The following PTPRT variants were observed in gnomAD, a reference collection of about 807,000 sequenced individuals.
The protein encoded by PTPRT is receptor-type tyrosine-protein phosphatase T.
Under a neutral mutation model 176.8 loss-of-function variants are expected in PTPRT, and 56 were observed. The ratio of observed to expected loss-of-function variants is 0.32; its 90% confidence interval spans 0.26 to 0.40. The LOEUF is 0.40. Ranked by LOEUF, PTPRT falls within the 10% of genes least tolerant of loss-of-function variation. The pLI, the probability that PTPRT is intolerant of heterozygous loss-of-function variation, is 1.00. For synonymous variants in PTPRT, 783 were observed against 739.0 expected (o/e 1.06, Z -0.96); for missense variants, 1,540 against 1,908.2 (o/e 0.81, Z 3.60).
Position 42,609,074 on chromosome 20 carries a change from T to C in PTPRT, c.1153+68792A>G, listed in dbSNP as rs192226201. On this transcript the variant is annotated intron_variant, in intron 7 of 30. Coordinates refer to ENST00000373187, the MANE Select transcript of PTPRT (RefSeq NM_007050.6). ...GATAATACAGAACACTCCAACACTTTTTTTTCTTTTCATTTTTGAGACAGA... is the reference window on the plus strand; with the variant it reads ...GATAATACAGAACACTCCAACACTTCTTTTTCTTTTCATTTTTGAGACAGA... 3.0e-3 allele frequency among the ~76,000 whole-genome samples: 451 copies of C among 152,200 alleles called. 3 individuals are homozygous for C. Among genetic ancestry groups the C allele is most frequent in the African/African-American group, 9.9e-3 (413 of 41,530 alleles).
At chr20:42,165,429 G>C (rs1319727691) in intron 16 of PTPRT, among the ~76,000 whole-genome samples, 5 of 152,198 alleles carry the variant, frequency 3.3e-5, no homozygotes, top group African/African-American at 1.2e-4. Flanking sequence ...CCTAAGATAG[G>C]AAGAGACAGG....
At chr20:42,493,078 T>A (rs923644556) in intron 7 of PTPRT, among the ~76,000 whole-genome samples, 2 of 152,148 alleles carry the variant, frequency 1.3e-5, no homozygotes, top group Admixed American at 1.3e-4. Flanking sequence ...AATTTGCAAA[T>A]ACCTAACTGC....
intron 1 of PTPRT, among the ~76,000 whole-genome samples, chr20:43,023,284 C>T (rs78416363): frequency 0.024 from 3,611 of 152,242 alleles, 157 homozygotes; most frequent in African/African-American, 0.082. Context: ...ACCTATTTTG[C>T]ATAATGACTG....
Position 42,677,978 on chromosome 20 carries a change from C to T in PTPRT, c.1041G>A (p.Leu347=), listed in dbSNP as rs2146066080. The change falls in exon 7 of 31, where the codon CTG becomes CTA. Residue 347 remains leucine, a synonymous_variant. Coordinates refer to ENST00000373187, the MANE Select transcript of PTPRT (RefSeq NM_007050.6). Reference sequence around the variant, plus strand: ...ACTCAACATCGGGGTCCAGATGCCACAGCTTATAGTTGGGAGAGTCGACTA... The same window carrying T: ...ACTCAACATCGGGGTCCAGATGCCATAGCTTATAGTTGGGAGAGTCGACTA... ...THIVDSPNYK[L]WHLDPDVEYE... 6.2e-7 allele frequency: 1 copy of T among 1,614,176 alleles called. No homozygotes were observed. The highest frequency in any genetic ancestry group is 8.5e-7 in the Non-Finnish European group (1 of 1,180,034).
At chr20:42,339,044 C>A (rs1040566104) in intron 11 of PTPRT, among the ~76,000 whole-genome samples, 8 of 152,030 alleles carry the variant, frequency 5.3e-5, no homozygotes, top group African/African-American at 1.4e-4. Context: ...TTTTGGCACT[C>A]AATATATTTT....
intron 7 of PTPRT, among the ~76,000 whole-genome samples, chr20:42,642,601 G>A (rs1301180933): frequency 1.3e-5 from 2 of 152,092 alleles, no homozygotes; most frequent in Admixed American, 1.3e-4. Flanking sequence ...GCCTCCGGAG[G>A]TAGGAACATT....
the PTPRT span, among the ~76,000 whole-genome samples, chr20:42,046,353 C>G: frequency 6.6e-6 from 1 of 152,216 alleles, no homozygotes; most frequent in South Asian, 2.1e-4. Flanking sequence ...GGTTGAGAGG[C>G]TCAGATGGAA....
chr20:42,822,748 C>G (rs1441615028), intron 2 of PTPRT, among the ~76,000 whole-genome samples: 1 of 152,104 alleles, frequency 6.6e-6, no homozygotes, highest in Non-Finnish European at 1.5e-5. Context: ...TATGAACAGA[C>G]ACTTCTCAAA....
intron 9 of PTPRT, among the ~76,000 whole-genome samples, chr20:42,382,796 A>T (rs2064330839): frequency 3.9e-5 from 6 of 152,176 alleles, no homozygotes; most frequent in Admixed American, 3.9e-4. Flanking sequence ...GTCCCTATCC[A>T]TGCCCTGCAT....
chr20:42,758,721 C>A (rs2076872852), intron 5 of PTPRT, among the ~76,000 whole-genome samples: 1 of 152,178 alleles, frequency 6.6e-6, no homozygotes, highest in African/African-American at 2.4e-5. Flanking sequence ...CACATCAGAG[C>A]AACATGCATG....
At chr20:42,559,176 C>T (rs2072909572) in intron 7 of PTPRT, among the ~76,000 whole-genome samples, 1 of 152,226 alleles carries the variant, frequency 6.6e-6, no homozygotes, top group South Asian at 2.1e-4. Flanking sequence ...CAAAATTCTG[C>T]CCTTTGAGCA....
At chr20:42,870,466 G>A (rs761690614) in intron 2 of PTPRT, among the ~76,000 whole-genome samples, 1 of 152,144 alleles carries the variant, frequency 6.6e-6, no homozygotes, top group South Asian at 2.1e-4. Context: ...TACAATTAAC[G>A]AGTGTGTAAA....
intron 11 of PTPRT, among the ~76,000 whole-genome samples, chr20:42,320,390 G>A (rs2057783604): frequency 6.6e-6 from 1 of 152,154 alleles, no homozygotes; most frequent in South Asian, 2.1e-4. Context: ...ATCAGTAACA[G>A]TTCCTGTGGC....
At chr20:42,972,467 G>A (rs1982703188) in intron 1 of PTPRT, among the ~76,000 whole-genome samples, 1 of 151,456 alleles carries the variant, frequency 6.6e-6, no homozygotes, top group South Asian at 2.1e-4. Flanking sequence ...TTCGAGACCT[G>A]CCTGGCCAAC....
At chr20:42,691,208 T>A (rs1409772350) in intron 6 of PTPRT, among the ~76,000 whole-genome samples, 1 of 152,190 alleles carries the variant, frequency 6.6e-6, no homozygotes, top group African/African-American at 2.4e-5. Flanking sequence ...ACACAGTAGC[T>A]GCCATAGCAG....
At chr20:42,272,721 G>GCACACA (rs58728446) in intron 13 of PTPRT, among the ~76,000 whole-genome samples, 12 of 149,308 alleles carry the variant, frequency 8.0e-5, no homozygotes, top group Non-Finnish European at 1.6e-4. Flanking sequence ...ACACGTGCGC[G>GCACACA]CACACACACA....
intron 1 of PTPRT, among the ~76,000 whole-genome samples, chr20:43,127,183 G>A (rs1373665365): frequency 6.6e-6 from 1 of 152,102 alleles, no homozygotes; most frequent in African/African-American, 2.4e-5. Context: ...CAGCACTTTG[G>A]GAGGCAAAGG....
At chr20:42,405,721 C>T (rs1600969580) in intron 9 of PTPRT, among the ~76,000 whole-genome samples, 1 of 152,086 alleles carries the variant, frequency 6.6e-6, no homozygotes, top group Non-Finnish European at 1.5e-5. Context: ...AATGGGATGG[C>T]TGGGTCAAAT....
At chr20:42,146,619 T>C (rs1293430693) in intron 17 of PTPRT, among the ~76,000 whole-genome samples, 1 of 152,180 alleles carries the variant, frequency 6.6e-6, no homozygotes, top group African/African-American at 2.4e-5. Context: ...TTTTTGCAAA[T>C]AGTGACTTTA....
Sources: gnomAD v4.1 joint callset for allele counts (sites outside exome capture counted in the v4.1 genomes callset) on GRCh38, gnomAD v4.1.1 for gene constraint, MANE v1.5 for transcripts, NCBI Gene and HGNC (gene_info 2026-07-23, HGNC 2026-07-21) for gene names.